The following RIMS2 variants were observed in gnomAD, a reference collection of about 807,000 sequenced individuals.
RIMS2 encodes regulating synaptic membrane exocytosis protein 2.
A neutral mutation model predicts 174.4 loss-of-function variants in RIMS2; 59 were observed. That is an observed-to-expected ratio of 0.34 (90% CI 0.27 to 0.42). RIMS2 has a LOEUF of 0.42. Among genes scored for constraint, RIMS2 ranks in the 10% least tolerant of loss-of-function variants. RIMS2 has a pLI of 1.00. For synonymous variants in RIMS2, 606 were observed against 572.5 expected (o/e 1.06, Z -0.84); for missense variants, 1,620 against 1,666.3 (o/e 0.97, Z 0.48).
intron 19 of RIMS2, among the ~76,000 whole-genome samples, chr8:104,083,674 G>A (rs185486534): frequency 1.3e-3 from 204 of 152,224 alleles, no homozygotes; most frequent in African/African-American, 4.7e-3. Flanking sequence ...TTTAAACTGG[G>A]TGCATTGGTT....
intron 1 of RIMS2, among the ~76,000 whole-genome samples, chr8:103,578,429 A>T (rs1261960297): frequency 6.6e-6 from 1 of 151,708 alleles, no homozygotes; most frequent in Non-Finnish European, 1.5e-5. Flanking sequence ...TACTCGGGAG[A>T]CTGAGACGGG....
At chr8:104,245,681 G>A (rs2099327295) in intron 20 of RIMS2, among the ~76,000 whole-genome samples, 1 of 152,148 alleles carries the variant, frequency 6.6e-6, no homozygotes, top group African/African-American at 2.4e-5. Context: ...ATCTGGAAGT[G>A]GGGCTGTAAA....
At chr8:104,012,833 A>G (rs1051448471) in intron 17 of RIMS2, among the ~76,000 whole-genome samples, 1 of 152,280 alleles carries the variant, frequency 6.6e-6, no homozygotes, top group Non-Finnish European at 1.5e-5. Flanking sequence ...GAATTGAATC[A>G]GTTGGCATAG....
intron 1 of RIMS2, among the ~76,000 whole-genome samples, chr8:103,560,435 A>G (rs2091404029): frequency 6.6e-6 from 1 of 152,196 alleles, no homozygotes; most frequent in Non-Finnish European, 1.5e-5. Context: ...TATCTCTACC[A>G]ACTAAAATAT....
intron 1 of RIMS2, among the ~76,000 whole-genome samples, chr8:103,502,683 T>C (rs1008959249): frequency 4.6e-5 from 7 of 152,082 alleles, no homozygotes; most frequent in Non-Finnish European, 1.0e-4. Context: ...TGACTTGCAG[T>C]TTGATATTTA....
chr8:103,808,052 A>G (rs927022076), intron 3 of RIMS2, among the ~76,000 whole-genome samples: 3 of 152,140 alleles, frequency 2.0e-5, no homozygotes, highest in African/African-American at 7.2e-5. Flanking sequence ...GAAGATGTCT[A>G]TTCCTAGACT....
intron 3 of RIMS2, among the ~76,000 whole-genome samples, chr8:103,844,180 C>T (rs2098955991): frequency 6.6e-6 from 1 of 152,202 alleles, no homozygotes; most frequent in Admixed American, 6.5e-5. Flanking sequence ...TGCCCAGTCT[C>T]AGGTATGTCT....
intron 3 of RIMS2, chr8:103,819,488 G>C: frequency 1.9e-6 from 3 of 1,609,892 alleles, no homozygotes; most frequent in Non-Finnish European, 1.7e-6. Context: ...ATAAGAGAAG[G>C]GGAAAAAAAA....
At chr8:103,543,042 A>C (rs1843247222) in intron 1 of RIMS2, among the ~76,000 whole-genome samples, 1 of 152,208 alleles carries the variant, frequency 6.6e-6, no homozygotes, top group Non-Finnish European at 1.5e-5. Context: ...AAAAGAATGA[A>C]ATAAAGGCAC....
chr8:103,942,257 G>A (rs1565442677), intron 13 of RIMS2, among the ~76,000 whole-genome samples: 1 of 152,014 alleles, frequency 6.6e-6, no homozygotes, highest in South Asian at 2.1e-4. Context: ...TTGGTTTTTT[G>A]TTCACACATT....
intron 2 of RIMS2, among the ~76,000 whole-genome samples, chr8:103,726,713 AT>A (rs2138678396): frequency 6.8e-6 from 1 of 147,652 alleles, no homozygotes; most frequent in African/African-American, 2.5e-5. Flanking sequence ...TTATATATAT[AT>A]TTTATTTATA....
chr8:103,753,534 C>G (rs1299566250), intron 2 of RIMS2, among the ~76,000 whole-genome samples: 2 of 152,116 alleles, frequency 1.3e-5, no homozygotes, highest in African/African-American at 4.8e-5. Context: ...CCTTATACCT[C>G]TGGTAGAATT....
intron 19 of RIMS2, among the ~76,000 whole-genome samples, chr8:104,062,695 A>G (rs1482343546): frequency 6.6e-6 from 1 of 152,158 alleles, no homozygotes; most frequent in Non-Finnish European, 1.5e-5. Flanking sequence ...ACTGCACTTC[A>G]TTTGATACAT....
In RIMS2 at chr8:103,975,342, A is replaced by G. The variant is rs1339333630; in HGVS notation, c.2771-8A>G. 1 of 1,602,150 alleles carries G rather than the reference A, an allele frequency of 6.2e-7. No individual in the cohort carries two copies. Among genetic ancestry groups the G allele is most frequent in the South Asian group, 1.1e-5 (1 of 90,562 alleles). Reference sequence around the variant, plus strand: ...TAACTATAATATTTATTAATTTTCTACCTTTAGATTATCGACATGATGGTC... The same window carrying G: ...TAACTATAATATTTATTAATTTTCTGCCTTTAGATTATCGACATGATGGTC... On this transcript the variant is annotated splice_polypyrimidine_tract_variant and splice_region_variant and intron_variant, in intron 15 of 23. Transcript: ENST00000504942.
At chr8:103,527,906 A>G (rs1834892432) in intron 1 of RIMS2, among the ~76,000 whole-genome samples, 1 of 152,188 alleles carries the variant, frequency 6.6e-6, no homozygotes, top group South Asian at 2.1e-4. Context: ...GTATATACCC[A>G]GTAACGGGAT....
At chr8:104,062,115 A>G (rs1028939962) in intron 19 of RIMS2, among the ~76,000 whole-genome samples, 1 of 152,158 alleles carries the variant, frequency 6.6e-6, no homozygotes, top group Admixed American at 6.6e-5. Context: ...TAAAATATTC[A>G]TTAAAATTGG....
At chr8:103,795,799 T>G (rs944197293) in intron 3 of RIMS2, among the ~76,000 whole-genome samples, 6 of 152,180 alleles carry the variant, frequency 3.9e-5, no homozygotes, top group Admixed American at 3.9e-4. Context: ...AAATATGATA[T>G]TTATTCCCAA....
intron 1 of RIMS2, among the ~76,000 whole-genome samples, chr8:103,548,316 C>T (rs146864630): frequency 4.1e-4 from 62 of 152,242 alleles, no homozygotes; most frequent in African/African-American, 1.3e-3. Context: ...TGATGTGCCA[C>T]GATCAACTAG....
chr8:104,057,343 C>T (rs895794461), intron 19 of RIMS2, among the ~76,000 whole-genome samples: 1 of 152,030 alleles, frequency 6.6e-6, no homozygotes, highest in Admixed American at 6.6e-5. Context: ...GCTGTGATTA[C>T]AGGTGTGAGC....
Sources: allele counts gnomAD v4.1 joint callset (sites outside exome capture counted in the v4.1 genomes callset), GRCh38; gene constraint gnomAD v4.1.1; transcripts MANE v1.5; gene names NCBI Gene and HGNC (gene_info 2026-07-23, HGNC 2026-07-21).